Variants in ANKFN1 observed in about 807,000 individuals in gnomAD.
ANKFN1 encodes the protein ankyrin repeat and fibronectin type III domain containing 1, also known as ankyrin repeat and fibronectin type-III domain-containing protein 1.
In ANKFN1, 74 loss-of-function variants were observed where a neutral mutation model predicts 108.7. The ratio of observed to expected loss-of-function variants is 0.68; its 90% CI spans 0.56 to 0.83. The LOEUF is 0.83. ANKFN1 is among the 40% of genes least tolerant of loss of function. The probability of loss-of-function intolerance (pLI) is 0.00; values close to 1 mark genes in which losing one functional copy is unlikely to be tolerated. For missense variants in ANKFN1, 1,505 were observed against 1,382.3 expected (o/e 1.09, Z -1.41); for synonymous variants, 547 against 516.2 (o/e 1.06, Z -0.81).
chr17:56,391,257 G>GC lies in ANKFN1; in HGVS notation c.910+16543_910+16544insC, dbSNP rs2047423515. ...TATATATATATATATATGTATGTGTGTGTGTGTGTGTACATATATATATGT... is the reference window on the plus strand; with the variant it reads ...TATATATATATATATATGTATGTGTGCTGTGTGTGTGTACATATATATATGT... On this transcript the variant is annotated intron_variant, in intron 8 of 20. Coordinates refer to ENST00000682825, the MANE Select transcript of ANKFN1 (RefSeq NM_001370326.1). 4.5e-5 allele frequency among the ~76,000 whole-genome samples: 6 copies of GC among 132,910 alleles called. No homozygotes were observed. The South Asian group carries it at 9.7e-4, about 21-fold the overall frequency. The allele number at this position is 132,910 out of a possible 152,430, so 87.2% of individuals were successfully genotyped here. A position where few individuals can be genotyped will look rare whatever the true frequency, so the allele number is the denominator to read the frequency against.
intron 3 of ANKFN1, among the ~76,000 whole-genome samples, chr17:56,244,676 G>A (rs1240939830): frequency 6.6e-6 from 1 of 152,092 alleles, no homozygotes; most frequent in Non-Finnish European, 1.5e-5. Context: ...AGCATTGCTG[G>A]TTCCAGACAA....
intron 3 of ANKFN1, among the ~76,000 whole-genome samples, chr17:56,291,869 A>G (rs2044372216): frequency 6.6e-6 from 1 of 152,172 alleles, no homozygotes; most frequent in Non-Finnish European, 1.5e-5. Flanking sequence ...TTGTCAAATG[A>G]CCCTAGTTTA....
At chr17:56,137,084 C>T (rs1907644026) in intron 4 of ANKFN1, among the ~76,000 whole-genome samples, 1 of 152,152 alleles carries the variant, frequency 6.6e-6, no homozygotes, top group South Asian at 2.1e-4. Flanking sequence ...ACAGCCTTTG[C>T]CCTCCAGGAG....
At chr17:56,247,413 C>T (rs1410362391) in intron 3 of ANKFN1, among the ~76,000 whole-genome samples, 1 of 152,128 alleles carries the variant, frequency 6.6e-6, no homozygotes, top group Non-Finnish European at 1.5e-5. Context: ...AGGCCTTGGG[C>T]TAACAACCCT....
intron 4 of ANKFN1, among the ~76,000 whole-genome samples, chr17:56,108,816 C>T (rs953768418): frequency 5.3e-5 from 8 of 152,178 alleles, no homozygotes; most frequent in African/African-American, 1.9e-4. Context: ...TGTTGAGATA[C>T]CATCTTGCTT....
intron 3 of ANKFN1, among the ~76,000 whole-genome samples, chr17:56,315,528 G>A (rs966156884): frequency 3.3e-5 from 5 of 152,172 alleles, no homozygotes; most frequent in African/African-American, 1.2e-4. Context: ...GCAAAATCTT[G>A]TACTTTTCTC....
chr17:56,511,041 C>A lies in ANKFN1; in HGVS notation c.3213C>A (p.Ser1071Arg). The change falls in exon 21 of 21, where the codon AGC becomes AGA. Residue 1071 changes from serine (S) to arginine (R), a missense_variant. By Grantham distance (110) the Ser-to-Arg change is moderately radical. Coordinates refer to ENST00000682825, the MANE Select transcript of ANKFN1 (RefSeq NM_001370326.1). ...GCCTAACTCTGGCCCACGCTGCCAG[C>A]CTTCCTGAGGAGCGGAACAGCAGTC... ...PRGLTLAHAA[S>R]LPEERNSSLQ... 1 of 1,536,024 alleles carries A rather than the reference C, an allele frequency of 6.5e-7. No individual in the cohort carries two copies. The highest frequency in any genetic ancestry group is 8.7e-7 in the Non-Finnish European group (1 of 1,146,886).
chr17:56,481,422 TG>T (rs1202542897), intron 17 of ANKFN1, among the ~76,000 whole-genome samples: 1 of 152,050 alleles, frequency 6.6e-6, no homozygotes, highest in African/African-American at 2.4e-5. Context: ...TAGGTTAACA[TG>T]AGGTAGCATT....
intron 1 of ANKFN1, among the ~76,000 whole-genome samples, chr17:56,205,364 G>T (rs1914442613): frequency 6.6e-6 from 1 of 152,114 alleles, no homozygotes; most frequent in Non-Finnish European, 1.5e-5. Context: ...CAAAATAATT[G>T]GGAGTTGTCA....
At chr17:56,379,121 G>A (rs753243359) in intron 8 of ANKFN1, among the ~76,000 whole-genome samples, 16 of 152,112 alleles carry the variant, frequency 1.1e-4, no homozygotes, top group Admixed American at 3.3e-4. Context: ...AGGTCAGGCC[G>A]GGCGCGGTGG....
At chr17:56,309,593 T>C (rs2044947408) in intron 3 of ANKFN1, among the ~76,000 whole-genome samples, 1 of 152,190 alleles carries the variant, frequency 6.6e-6, no homozygotes, top group South Asian at 2.1e-4. Context: ...AAAATCTTTT[T>C]TGGCTTTCTT....
chr17:56,173,294 G>A (rs1047635502), intron 1 of ANKFN1, among the ~76,000 whole-genome samples: 9 of 152,078 alleles, frequency 5.9e-5, no homozygotes, highest in Non-Finnish European at 8.8e-5. Flanking sequence ...TTTGCCTTCT[G>A]TTCCCCCTGC....
At chr17:56,272,935 T>C (rs1047745102) in intron 3 of ANKFN1, among the ~76,000 whole-genome samples, 25 of 152,318 alleles carry the variant, frequency 1.6e-4, no homozygotes, top group Non-Finnish European at 5.9e-5. Flanking sequence ...TTTACATTTT[T>C]GCCAGGGAAA....
At chr17:56,468,632 T>C (rs942707552) in intron 15 of ANKFN1, among the ~76,000 whole-genome samples, 3 of 152,172 alleles carry the variant, frequency 2.0e-5, no homozygotes, top group Non-Finnish European at 4.4e-5. Context: ...CCTAAACGGC[T>C]AACTTACTTT....
intron 19 of ANKFN1, among the ~76,000 whole-genome samples, chr17:56,494,893 C>T (rs2051150043): frequency 6.6e-6 from 1 of 152,178 alleles, no homozygotes. Context: ...TGTTCTCAAA[C>T]TCCTCCCAGA....
At chr17:56,473,916 A>G (rs1411468649) in intron 15 of ANKFN1, among the ~76,000 whole-genome samples, 1 of 152,170 alleles carries the variant, frequency 6.6e-6, no homozygotes, top group East Asian at 1.9e-4. Context: ...ATTTGTGGTC[A>G]GTTCTGACCC....
chr17:56,340,148 T>C (rs1432783759), intron 4 of ANKFN1, among the ~76,000 whole-genome samples: 1 of 152,200 alleles, frequency 6.6e-6, no homozygotes, highest in South Asian at 2.1e-4. Context: ...CACTTTTTGA[T>C]GGGGTTGTTT....
At chr17:56,220,590 G>T (rs1419763853) in intron 2 of ANKFN1, among the ~76,000 whole-genome samples, 2 of 151,970 alleles carry the variant, frequency 1.3e-5, no homozygotes, top group East Asian at 3.9e-4. Flanking sequence ...GACCAGGGAG[G>T]TTGAGGCTGC....
chr17:56,096,248 G>A (rs868096425), intron 4 of ANKFN1, among the ~76,000 whole-genome samples: 25 of 152,246 alleles, frequency 1.6e-4, no homozygotes, highest in African/African-American at 4.8e-4. Flanking sequence ...TGTCTGATGA[G>A]AGAGAGATGT....
Sources: allele counts gnomAD v4.1 joint callset (sites outside exome capture counted in the v4.1 genomes callset), GRCh38; gene constraint gnomAD v4.1.1; transcripts MANE v1.5; gene names NCBI Gene and HGNC (gene_info 2026-07-23, HGNC 2026-07-21).